Variants in ARIH2 observed in about 807,000 individuals in gnomAD.
ARIH2 encodes the protein E3 ubiquitin-protein ligase ARIH2.
Under a neutral mutation model 79.8 loss-of-function variants are expected in ARIH2, and 12 were observed. The observed-to-expected ratio is 0.15, with a 90% confidence interval of 0.10 to 0.24. ARIH2 has a LOEUF of 0.24. ARIH2 is among the 10% of genes least tolerant of loss of function. The pLI is 1.00. For synonymous variants in ARIH2, 224 were observed against 213.9 expected (o/e 1.05, Z -0.41); for missense variants, 301 against 618.3 (o/e 0.49, Z 5.44).
At chr3:48,948,995 C>G (rs1470138006) in intron 3 of ARIH2, 2 of 447,482 alleles carry the variant, frequency 4.5e-6, no homozygotes. Context: ...TGGGCTACTA[C>G]GCAGTATGCT....
intron 8 of ARIH2, among the ~76,000 whole-genome samples, chr3:48,973,408 T>C (rs1259778045): frequency 6.6e-6 from 1 of 152,016 alleles, no homozygotes; most frequent in African/African-American, 2.4e-5. Flanking sequence ...AAACCCCGTC[T>C]CTACTAAAAA....
intron 7 of ARIH2, among the ~76,000 whole-genome samples, chr3:48,969,471 C>A (rs1011764631): frequency 1.3e-5 from 2 of 151,064 alleles, no homozygotes; most frequent in African/African-American, 2.4e-5. Flanking sequence ...ATATAATTTT[C>A]TTTTCTTTTT....
At chr3:48,945,337 A>C (rs2088965011) in intron 3 of ARIH2, among the ~76,000 whole-genome samples, 1 of 152,200 alleles carries the variant, frequency 6.6e-6, no homozygotes, top group African/African-American at 2.4e-5. Flanking sequence ...GAAGCCACTG[A>C]TCACGTTCAT....
At chr3:48,969,178 CTTTTTT>C (rs562931150) in intron 7 of ARIH2, among the ~76,000 whole-genome samples, 2 of 137,596 alleles carry the variant, frequency 1.5e-5, no homozygotes, top group Non-Finnish European at 3.2e-5. Flanking sequence ...CAGCCTCTTT[CTTTTTT>C]TTTTTTTTTT....
chr3:48,919,261 C>T (rs988370562), intron 1 of ARIH2: 9 of 1,182,146 alleles, frequency 7.6e-6, no homozygotes, highest in African/African-American at 4.8e-5. Context: ...CCGGCGCCGG[C>T]ACATCTAGGC....
intron 3 of ARIH2, among the ~76,000 whole-genome samples, chr3:48,957,305 G>A (rs1456442580): frequency 1.3e-5 from 2 of 152,200 alleles, no homozygotes; most frequent in Non-Finnish European, 2.9e-5. Flanking sequence ...AGAGATCAGT[G>A]TTAAACCTTC....
chr3:48,929,718 A>G (rs1329762713), intron 3 of ARIH2, among the ~76,000 whole-genome samples: 1 of 152,166 alleles, frequency 6.6e-6, no homozygotes, highest in Non-Finnish European at 1.5e-5. Context: ...TATCTCCTCC[A>G]TCATTCTTGT....
rs116115819 is a variant in ARIH2 at position 48,964,844 on chromosome 3, T to G, written c.324-75T>G. Reference sequence around the variant, plus strand: ...GACAAAGATGCTCTAAACATCTTTCTCTGTCCTGTTATTGTTCAGGGGTAA... The same window carrying G: ...GACAAAGATGCTCTAAACATCTTTCGCTGTCCTGTTATTGTTCAGGGGTAA... On this transcript the variant is annotated intron_variant, in intron 4 of 15. Coordinates refer to ENST00000356401, the MANE Select transcript of ARIH2 (RefSeq NM_006321.4). 11 of 1,155,894 alleles carry G rather than the reference T, an allele frequency of 9.5e-6. No homozygotes were observed. The African/African-American group carries it at 1.5e-4, about 16-fold the overall frequency. 71.6% of individuals were successfully genotyped at this position (1,155,894 alleles called of 1,614,324 possible).
intron 3 of ARIH2, among the ~76,000 whole-genome samples, chr3:48,942,466 G>T (rs2088445674): frequency 6.6e-6 from 1 of 151,958 alleles, no homozygotes; most frequent in African/African-American, 2.4e-5. Flanking sequence ...GGTAGATGTT[G>T]GGAGAGATGG....
At chr3:48,928,718 A>C (rs1250257336) in intron 3 of ARIH2, among the ~76,000 whole-genome samples, 1 of 151,412 alleles carries the variant, frequency 6.6e-6, no homozygotes, top group Non-Finnish European at 1.5e-5. Context: ...TGCTTTATCT[A>C]CTAGTTTAGG....
intron 3 of ARIH2, among the ~76,000 whole-genome samples, chr3:48,959,453 AG>A (rs1352572303): frequency 6.6e-6 from 1 of 151,924 alleles, no homozygotes; most frequent in Admixed American, 6.6e-5. Context: ...GGGGACGAAT[AG>A]CTTTGTTAAG....
intron 4 of ARIH2, among the ~76,000 whole-genome samples, chr3:48,963,193 A>G (rs4974083): frequency 0.84 from 128,210 of 152,152 alleles, 54,686 homozygotes; most frequent in East Asian, 1. Context: ...CATCCTGTGT[A>G]CTCAAGAACG....
chr3:48,981,600 C>A, intron 13 of ARIH2, 60 bp from the exon 14 acceptor site: 1 of 1,455,346 alleles, frequency 6.9e-7, no homozygotes, highest in Non-Finnish European at 9.6e-7. Flanking sequence ...TAAGAGCCAC[C>A]TGAGATGCAG....
At position 48,973,808 on chromosome 3, in the gene ARIH2, A is replaced by G. The variant is rs1330422321; in HGVS notation, c.880A>G (p.Thr294Ala). The G allele has an allele frequency of 6.2e-7, 1 of 1,612,016 alleles. No homozygotes were observed. ...SETANYISAH[T>A]KDCPKCNICI... The stretch of plus-strand genomic sequence containing the variant: ...AACAGCCAACTACATTAGTGCTCAC[A>G]CTAAAGACGTAAGGACCGTATTTTA... The change falls in exon 9 of 16, where the codon ACT becomes GCT. Residue 294 changes from threonine (T) to alanine (A), a missense_variant. Physicochemically the swap from Thr to Ala is moderately conservative, Grantham distance 58. Transcript: ENST00000356401.
At chr3:48,941,593 CTT>C (rs1421452514) in intron 3 of ARIH2, among the ~76,000 whole-genome samples, 26 of 135,564 alleles carry the variant, frequency 1.9e-4, no homozygotes, top group Admixed American at 1.5e-4. Context: ...CTTTTCTTTT[CTT>C]TTTTTTTTTT....
chr3:48,943,102 T>TA (rs1048455017), intron 3 of ARIH2: 3 of 152,186 alleles, frequency 2.0e-5, no homozygotes, highest in Non-Finnish European at 2.9e-5. Context: ...TCAAATAACT[T>TA]AAAGATCTCT....
Position 48,934,571 on chromosome 3 carries a change from C to A in ARIH2, c.255+6758C>A, listed in dbSNP as rs2086857158. On this transcript the variant is annotated intron_variant, in intron 3 of 15. Coordinates refer to ENST00000356401, the MANE Select transcript of ARIH2 (RefSeq NM_006321.4). The stretch of plus-strand genomic sequence containing the variant: ...GTGAGCTGTCTTTGCATGCCTCTAT[C>A]TAAGTAGAACTTAGGTTAAATTCCT... 3.0e-6 allele frequency: 3 copies of A among 985,272 alleles called. No individual in the cohort carries two copies. In the Admixed American group the frequency reaches 1.8e-4, roughly 61 times the overall value. 61.0% of individuals were successfully genotyped at this position (985,272 alleles called of 1,614,324 possible). A position where few individuals can be genotyped will look rare whatever the true frequency, so the allele number is the denominator to read the frequency against.
chr3:48,919,583 C>T (rs570186750), intron 1 of ARIH2, among the ~76,000 whole-genome samples: 10 of 152,342 alleles, frequency 6.6e-5, no homozygotes, highest in South Asian at 2.1e-4. Flanking sequence ...TGTTCTTTAC[C>T]TTTGCTGTTC....
chr3:48,963,243 CTTA>C (rs1263815507), intron 4 of ARIH2, among the ~76,000 whole-genome samples: 2 of 152,172 alleles, frequency 1.3e-5, no homozygotes, highest in African/African-American at 2.4e-5. Flanking sequence ...CTGCTGCTGC[CTTA>C]TTATTATACT....
Sources: gnomAD v4.1 joint callset for allele counts (sites outside exome capture counted in the v4.1 genomes callset) on GRCh38, gnomAD v4.1.1 for gene constraint, MANE v1.5 for transcripts, NCBI Gene and HGNC (gene_info 2026-07-23, HGNC 2026-07-21) for gene names.